The following TMEFF2 variants were observed in gnomAD, a reference collection of about 807,000 sequenced individuals.
TMEFF2 encodes the protein tomoregulin-2.
TMEFF2 carries 28 observed loss-of-function variants against 53.8 expected under a neutral mutation model. The observed-to-expected ratio is 0.52, with a 90% CI of 0.39 to 0.71. TMEFF2 has a LOEUF of 0.71. Ranked by LOEUF, TMEFF2 falls within the 30% of genes least tolerant of loss-of-function variation. TMEFF2 has a pLI of 0.00. For synonymous variants in TMEFF2, 162 were observed against 166.3 expected, an observed-to-expected ratio of 0.97 and a Z score of 0.20; for missense variants, 353 against 455.2, an observed-to-expected ratio of 0.78 and a Z score of 2.04.
chr2:192,100,825 C>T (rs946736190), intron 4 of TMEFF2, among the ~76,000 whole-genome samples: 4 of 152,100 alleles, frequency 2.6e-5, no homozygotes, highest in Non-Finnish European at 4.4e-5. Flanking sequence ...TTATAGTTCA[C>T]GGTGATCAAA....
rs1685930273 is a variant in TMEFF2 at position 191,984,502 on chromosome 2, T to C, written c.745+13760A>G. Among the ~76,000 whole-genome samples, 4 of 152,142 alleles carry C rather than the reference T, an allele frequency of 2.6e-5. No homozygotes were observed. The South Asian group carries it at 6.2e-4, about 24-fold the overall frequency. ...GAGAAAAAAATCTCAATGAAATCCC[T>C]GAAATGAGGGAATGAAATGTAGGAA... On this transcript the variant is annotated intron_variant, in intron 7 of 9. Coordinates refer to ENST00000272771, the MANE Select transcript of TMEFF2 (RefSeq NM_016192.4).
chr2:192,176,334 G>A (rs2356960), intron 4 of TMEFF2, among the ~76,000 whole-genome samples: 124,788 of 151,148 alleles, frequency 0.83, 52,302 homozygotes, highest in East Asian at 1. Context: ...GTTTTTGTTC[G>A]AAAACAGAGT....
chr2:192,127,210 T>C (rs1689697727), intron 4 of TMEFF2, among the ~76,000 whole-genome samples: 1 of 152,170 alleles, frequency 6.6e-6, no homozygotes, highest in African/African-American at 2.4e-5. Flanking sequence ...ATTCAATGAT[T>C]CTCTGTCAGC....
chr2:192,055,557 C>T (rs981701086), intron 5 of TMEFF2, among the ~76,000 whole-genome samples: 2 of 151,830 alleles, frequency 1.3e-5, no homozygotes, highest in African/African-American at 2.4e-5. Context: ...GGCAAATCAC[C>T]TGAGGTGAGG....
rs530170316 is a variant in TMEFF2, at chr2:191,949,566, A to G, written c.*745T>C. 5.1e-6 allele frequency: 5 copies of G among 985,386 alleles called. No homozygotes were observed. The highest frequency in any genetic ancestry group is 2.3e-4 in the East Asian group (2 of 8,814). The allele number at this position is 985,386 out of a possible 1,614,324, so 61.0% of individuals were successfully genotyped here. ...TTTTGCCACTCTGTGTATACCTAGT[A>G]TGTAACTTGTTCAGTAAGTTCAGAT... On this transcript the variant is annotated 3_prime_UTR_variant, in exon 10 of 10. Transcript: ENST00000272771.
rs141330506 is a variant in TMEFF2, at chr2:192,011,201, T to C, written c.537-11993A>G. ...AAGCATTCCCCAATGATAAAGAGCATAGTTGGAACCCTGGACACTTACAAA... is the reference window on the plus strand; with the variant it reads ...AAGCATTCCCCAATGATAAAGAGCACAGTTGGAACCCTGGACACTTACAAA... On this transcript the variant is annotated intron_variant, in intron 5 of 9. Transcript: ENST00000272771. Among the ~76,000 whole-genome samples the C allele has an allele frequency of 1.3e-3, 201 of 152,270 alleles. 6 individuals carry two copies. The South Asian group carries it at 0.026, about 20-fold the overall frequency.
In TMEFF2 at chr2:192,004,380, T is replaced by G. The variant is rs543466968; in HGVS notation, c.537-5172A>C. Among the ~76,000 whole-genome samples, 3 of 152,356 alleles carry G rather than the reference T, an allele frequency of 2.0e-5. No individual in the cohort carries two copies. In the East Asian group the frequency reaches 5.8e-4, roughly 29 times the overall value. On this transcript the variant is annotated intron_variant, in intron 5 of 9. Coordinates refer to ENST00000272771, the MANE Select transcript of TMEFF2 (RefSeq NM_016192.4). ...ACCAGGCAGGCTACTACTTCTCATT[T>G]GTGGTATTTGGGTACAGTTTCAGGC...
intron 4 of TMEFF2, among the ~76,000 whole-genome samples, chr2:192,176,359 G>A (rs923232781): frequency 6.0e-5 from 9 of 151,238 alleles, no homozygotes; most frequent in Non-Finnish European, 1.0e-4. Flanking sequence ...TAAATGGCGG[G>A]TCCTATGTTC....
At chr2:192,048,684 G>A (rs897415971) in intron 5 of TMEFF2, among the ~76,000 whole-genome samples, 2 of 151,950 alleles carry the variant, frequency 1.3e-5, no homozygotes, top group African/African-American at 4.8e-5. Context: ...ATTTAATTTG[G>A]TGACTCTTCC....
chr2:191,997,124 T>C (rs1686242345), intron 7 of TMEFF2, among the ~76,000 whole-genome samples: 2 of 151,994 alleles, frequency 1.3e-5, no homozygotes, highest in South Asian at 4.1e-4. Flanking sequence ...AAGGAACATC[T>C]GTAAATTTCT....
chr2:192,049,079 ACTTAAAGT>A (rs1439602890), intron 5 of TMEFF2, among the ~76,000 whole-genome samples: 1 of 152,180 alleles, frequency 6.6e-6, no homozygotes, highest in South Asian at 2.1e-4. Context: ...CCAAACTGCC[ACTTAAAGT>A]CTTTGTTTTC....
intron 7 of TMEFF2, among the ~76,000 whole-genome samples, chr2:191,976,779 A>G (rs1685739679): frequency 6.6e-6 from 1 of 152,234 alleles, no homozygotes; most frequent in African/African-American, 2.4e-5. Context: ...TGGGGAGTGA[A>G]GACCTCCATT....
Position 191,949,565 on chromosome 2 carries a change from T to A in TMEFF2, c.*746A>T. 2 of 985,422 alleles carry A rather than the reference T, an allele frequency of 2.0e-6. No homozygotes were observed. Among genetic ancestry groups the A allele is most frequent in the Non-Finnish European group, 2.4e-6 (2 of 829,904 alleles). The allele number at this position is 985,422 out of a possible 1,614,324, so 61.0% of individuals were successfully genotyped here. The stretch of plus-strand genomic sequence containing the variant: ...ATTTTGCCACTCTGTGTATACCTAG[T>A]ATGTAACTTGTTCAGTAAGTTCAGA... On this transcript the variant is annotated 3_prime_UTR_variant, in exon 10 of 10. Transcript: ENST00000272771.
At chr2:191,991,217 G>T (rs1421733089) in intron 7 of TMEFF2, among the ~76,000 whole-genome samples, 1 of 151,976 alleles carries the variant, frequency 6.6e-6, no homozygotes, top group African/African-American at 2.4e-5. Context: ...GTCAGCCAAG[G>T]TCTCTTGCAA....
chr2:192,004,134 T>C (rs1686440133), intron 5 of TMEFF2, among the ~76,000 whole-genome samples: 1 of 152,148 alleles, frequency 6.6e-6, no homozygotes, highest in South Asian at 2.1e-4. Context: ...CAGATGGTGT[T>C]GAAAGAGTTG....
intron 4 of TMEFF2, among the ~76,000 whole-genome samples, chr2:192,075,317 A>ATG (rs1688401949): frequency 1.6e-5 from 2 of 128,310 alleles, no homozygotes; most frequent in African/African-American, 6.2e-5. Flanking sequence ...ATATATATAT[A>ATG]TATATATATA....
At chr2:192,127,870 A>G (rs1324989767) in intron 4 of TMEFF2, among the ~76,000 whole-genome samples, 1 of 152,200 alleles carries the variant, frequency 6.6e-6, no homozygotes, top group Non-Finnish European at 1.5e-5. Flanking sequence ...AACTTACACT[A>G]TTACATTCTT....
intron 4 of TMEFF2, chr2:192,178,931 T>G (rs1416901094): frequency 6.6e-6 from 1 of 151,250 alleles, no homozygotes; most frequent in Non-Finnish European, 1.5e-5. Context: ...TAATTTTGTT[T>G]GAATTTCATC....
Position 192,188,701 on chromosome 2 carries a change from A to G in TMEFF2, c.282+3179T>C, listed in dbSNP as rs116072628. On this transcript the variant is annotated intron_variant, in intron 2 of 9. Transcript: ENST00000272771. Reference sequence around the variant, plus strand: ...TACCTGAAAAACATAAGGCTTCATCATATTTTTAAATTATAAAGTGGTTAT... The same window carrying G: ...TACCTGAAAAACATAAGGCTTCATCGTATTTTTAAATTATAAAGTGGTTAT... 4.1e-3 allele frequency among the ~76,000 whole-genome samples: 626 copies of G among 152,326 alleles called. 3 individuals are homozygous for G. Among genetic ancestry groups the G allele is most frequent in the Non-Finnish European group, 6.7e-3 (453 of 68,030 alleles).
Sources: allele counts gnomAD v4.1 joint callset (sites outside exome capture counted in the v4.1 genomes callset), GRCh38; gene constraint gnomAD v4.1.1; transcripts MANE v1.5; gene names NCBI Gene and HGNC (gene_info 2026-07-23, HGNC 2026-07-21).